ANKS1B: variants seen among roughly 807,000 people sequenced by gnomAD.
ANKS1B encodes the protein ankyrin repeat and sterile alpha motif domain-containing protein 1B.
Under a neutral mutation model 148.3 loss-of-function variants are expected in ANKS1B, and 36 were observed. The ratio of observed to expected loss-of-function variants is 0.24; its 90% confidence interval spans 0.19 to 0.32. ANKS1B has a LOEUF of 0.32. ANKS1B is among the 10% of genes least tolerant of loss of function. The pLI, the probability that ANKS1B is intolerant of heterozygous loss-of-function variation, is 1.00. For missense variants in ANKS1B, 1,157 were observed against 1,542.6 expected (o/e 0.75, Z 4.19); for synonymous variants, 542 against 560.8 (o/e 0.97, Z 0.47).
intron 16 of ANKS1B, among the ~76,000 whole-genome samples, chr12:99,069,627 A>G: frequency 6.6e-6 from 1 of 152,242 alleles, no homozygotes; most frequent in Non-Finnish European, 1.5e-5. Context: ...TCATGAATTC[A>G]TGGAACAACA....
chr12:98,759,279 C>T (rs1206804189), intron 25 of ANKS1B, among the ~76,000 whole-genome samples: 1 of 152,152 alleles, frequency 6.6e-6, no homozygotes, highest in Non-Finnish European at 1.5e-5. Flanking sequence ...CAGATATTTA[C>T]CAAGCTCCTT....
intron 9 of ANKS1B, chr12:99,648,118 G>A: frequency 6.4e-7 from 1 of 1,562,286 alleles, no homozygotes; most frequent in Non-Finnish European, 8.7e-7. Context: ...GCCCGCTAAA[G>A]CATGTTAAGG....
At chr12:98,972,828 T>C (rs1223058757) in intron 17 of ANKS1B, among the ~76,000 whole-genome samples, 3 of 152,190 alleles carry the variant, frequency 2.0e-5, no homozygotes, top group Non-Finnish European at 4.4e-5. Context: ...TAGACACCTC[T>C]TGTGACCTGC....
rs187830265 is a variant in ANKS1B at position 99,395,216 on chromosome 12, T to C, written c.1756+4415A>G. ...CACCCTTGTTCCCTCTCCCCATCCA[T>C]GATCGACATTATAGCCAGATTAATC... On this transcript the variant is annotated intron_variant, in intron 12 of 26. Coordinates refer to ENST00000683438, the MANE Select transcript of ANKS1B (RefSeq NM_001352186.2). Among the ~76,000 whole-genome samples the C allele has an allele frequency of 2.0e-5, 3 of 152,270 alleles. No individual in the cohort carries two copies. In the East Asian group the frequency reaches 5.8e-4, roughly 29 times the overall value.
At chr12:99,956,338 A>G (rs1000876316) in intron 1 of ANKS1B, among the ~76,000 whole-genome samples, 16 of 152,178 alleles carry the variant, frequency 1.1e-4, no homozygotes, top group African/African-American at 3.9e-4. Flanking sequence ...CAGATGGATA[A>G]ATGAGAAACC....
chr12:99,958,927 T>C (rs1474612416), intron 1 of ANKS1B, among the ~76,000 whole-genome samples: 3 of 152,068 alleles, frequency 2.0e-5, no homozygotes, highest in African/African-American at 4.8e-5. Flanking sequence ...CATACCTCCA[T>C]TGAGGAGGAG....
At chr12:99,496,936 C>A (rs1426495356) in intron 10 of ANKS1B, among the ~76,000 whole-genome samples, 1 of 152,244 alleles carries the variant, frequency 6.6e-6, no homozygotes, top group African/African-American at 2.4e-5. Flanking sequence ...TACTGTGGCC[C>A]AAGCATCCTC....
intron 12 of ANKS1B, among the ~76,000 whole-genome samples, chr12:99,259,917 A>C (rs1311942083): frequency 6.6e-6 from 1 of 152,230 alleles, no homozygotes; most frequent in Admixed American, 6.5e-5. Context: ...TATTTCCCAT[A>C]GCCTAGAGCC....
downstream of ANKS1B, among the ~76,000 whole-genome samples, chr12:98,740,947 G>C (rs1456313885): frequency 6.6e-6 from 1 of 152,156 alleles, no homozygotes; most frequent in Admixed American, 6.5e-5. Flanking sequence ...TTGTGACAAT[G>C]AGGCAATCTT....
At chr12:99,646,223 CT>C (rs1190039628) in intron 9 of ANKS1B, among the ~76,000 whole-genome samples, 2 of 152,026 alleles carry the variant, frequency 1.3e-5, no homozygotes, top group Non-Finnish European at 2.9e-5. Context: ...GATATAAAGA[CT>C]TTAGGAAGGG....
intron 4 of ANKS1B, among the ~76,000 whole-genome samples, chr12:99,804,526 G>C (rs1336079962): frequency 6.6e-6 from 1 of 152,158 alleles, no homozygotes; most frequent in Non-Finnish European, 1.5e-5. Context: ...TTAAAACTGA[G>C]ATTGGAAGGC....
At chr12:99,634,065 T>G (rs1002721457) in intron 9 of ANKS1B, among the ~76,000 whole-genome samples, 1 of 152,178 alleles carries the variant, frequency 6.6e-6, no homozygotes, top group Non-Finnish European at 1.5e-5. Context: ...ACATCAGTTT[T>G]GGAGGGCCAG....
At chr12:99,441,161 A>G (rs2095543846) in intron 11 of ANKS1B, among the ~76,000 whole-genome samples, 1 of 151,896 alleles carries the variant, frequency 6.6e-6, no homozygotes, top group Non-Finnish European at 1.5e-5. Flanking sequence ...TCAGAGAGAA[A>G]ACCAGAATTA....
At chr12:99,380,381 A>G (rs1016907475) in intron 12 of ANKS1B, among the ~76,000 whole-genome samples, 21 of 151,892 alleles carry the variant, frequency 1.4e-4, no homozygotes, top group African/African-American at 4.4e-4. Flanking sequence ...TAGTTAAAAA[A>G]CTTTTTTGAG....
intron 17 of ANKS1B, among the ~76,000 whole-genome samples, chr12:98,993,531 C>T (rs1358011263): frequency 6.6e-6 from 1 of 152,122 alleles, no homozygotes; most frequent in Non-Finnish European, 1.5e-5. Context: ...ATTTGCTTTA[C>T]CCTCTCCATT....
intron 8 of ANKS1B, among the ~76,000 whole-genome samples, chr12:99,727,033 A>T (rs2372900): frequency 0.2 from 30,240 of 152,130 alleles, 3,565 homozygotes; most frequent in East Asian, 0.51. Flanking sequence ...AGCCAATATC[A>T]TATTGAATGG....
intron 8 of ANKS1B, among the ~76,000 whole-genome samples, chr12:99,701,512 C>T (rs1233679554): frequency 6.6e-6 from 1 of 152,108 alleles, no homozygotes; most frequent in African/African-American, 2.4e-5. Context: ...CCACTTCAAA[C>T]ATTCATCATT....
intron 9 of ANKS1B, among the ~76,000 whole-genome samples, chr12:99,637,336 T>C (rs942704944): frequency 6.6e-5 from 10 of 152,112 alleles, no homozygotes; most frequent in African/African-American, 2.4e-4. Flanking sequence ...TTGATACCTC[T>C]GATATGGTTT....
chr12:99,749,548 T>C (rs188396504), intron 8 of ANKS1B, among the ~76,000 whole-genome samples: 1 of 152,208 alleles, frequency 6.6e-6, no homozygotes, highest in East Asian at 1.9e-4. Flanking sequence ...AAGAGATACA[T>C]GGAAAATCAG....
Sources: allele counts gnomAD v4.1 joint callset (sites outside exome capture counted in the v4.1 genomes callset), GRCh38; gene constraint gnomAD v4.1.1; transcripts MANE v1.5; gene names NCBI Gene and HGNC (gene_info 2026-07-23, HGNC 2026-07-21).